The following DCC variants were observed in gnomAD, a reference collection of about 807,000 sequenced individuals.
The protein encoded by DCC is DCC netrin 1 receptor.
In DCC, 58 loss-of-function variants were observed where a neutral mutation model predicts 172.5. That is an observed-to-expected ratio of 0.34 (90% CI 0.27 to 0.42). The LOEUF (loss-of-function observed/expected upper bound fraction) is 0.42. Among genes scored for constraint, DCC ranks in the 10% least tolerant of loss-of-function variants. The pLI is 1.00. For synonymous variants in DCC, 709 were observed against 644.5 expected, an observed-to-expected ratio of 1.10 and a Z score of -1.52; for missense variants, 1,740 against 1,791.0, an observed-to-expected ratio of 0.97 and a Z score of 0.51.
Position 53,226,947 on chromosome 18 carries a change from TA to T in DCC, c.1911+11351del, listed in dbSNP as rs1349012896. Among the ~76,000 whole-genome samples the T allele has an allele frequency of 1.7e-3, 165 of 99,644 alleles. 5 individuals carry two copies. Among genetic ancestry groups the T allele is most frequent in the East Asian group, 4.4e-3 (19 of 4,364 alleles). The allele number at this position is 99,644 out of a possible 152,430, so 65.4% of individuals were successfully genotyped here. On this transcript the variant is annotated intron_variant, in intron 12 of 28. Transcript: ENST00000442544. The stretch of plus-strand genomic sequence containing the variant: ...GTGTGTGTGTGTGTATATATATATA[TA>T]TTTTTTTTTTTTTTTTTTTGAGGCA...
intron 1 of DCC, among the ~76,000 whole-genome samples, chr18:52,354,180 G>A (rs941388851): frequency 1.3e-5 from 2 of 152,128 alleles, no homozygotes; most frequent in African/African-American, 4.8e-5. Flanking sequence ...AGTTTTACAG[G>A]AAGAAGGACT....
chr18:52,607,074 A>G (rs918978421), intron 1 of DCC, among the ~76,000 whole-genome samples: 4 of 152,104 alleles, frequency 2.6e-5, no homozygotes, highest in Admixed American at 2.0e-4. Flanking sequence ...CCAAAATCTC[A>G]GTAGCTTTAC....
intron 1 of DCC, among the ~76,000 whole-genome samples, chr18:52,694,670 C>A (rs1327867230): frequency 6.6e-6 from 1 of 152,104 alleles, no homozygotes; most frequent in East Asian, 1.9e-4. Flanking sequence ...CACCCTGCCA[C>A]CAGTTACAGC....
chr18:52,453,546 A>T (rs1480868239), intron 1 of DCC, among the ~76,000 whole-genome samples: 1 of 152,214 alleles, frequency 6.6e-6, no homozygotes, highest in African/African-American at 2.4e-5. Flanking sequence ...TTAATTAAGC[A>T]TGCATTTCTG....
At chr18:53,191,594 G>T (rs944677531) in intron 9 of DCC, among the ~76,000 whole-genome samples, 1 of 152,092 alleles carries the variant, frequency 6.6e-6, no homozygotes, top group Non-Finnish European at 1.5e-5. Flanking sequence ...TATTGCTTGT[G>T]TCTTATGTCC....
intron 2 of DCC, among the ~76,000 whole-genome samples, chr18:52,895,172 C>T (rs1037517814): frequency 6.6e-6 from 1 of 152,204 alleles, no homozygotes; most frequent in Admixed American, 6.5e-5. Context: ...GAAGGATTTG[C>T]CTATCCTGAA....
At chr18:52,737,497 T>C (rs2036748038) in intron 1 of DCC, among the ~76,000 whole-genome samples, 1 of 152,192 alleles carries the variant, frequency 6.6e-6, no homozygotes, top group African/African-American at 2.4e-5. Context: ...CATTTTCTCA[T>C]CCTGTGGGAG....
chr18:52,513,906 C>T (rs1291178346), intron 1 of DCC, among the ~76,000 whole-genome samples: 1 of 152,228 alleles, frequency 6.6e-6, no homozygotes, highest in East Asian at 1.9e-4. Context: ...CTAAAAGCCA[C>T]AATTCCATCA....
At chr18:52,943,434 A>ACATGG (rs1460823895) in intron 5 of DCC, among the ~76,000 whole-genome samples, 1 of 152,208 alleles carries the variant, frequency 6.6e-6, no homozygotes, top group Non-Finnish European at 1.5e-5. Context: ...GTAGAAGGTG[A>ACATGG]CATGGCAAGA....
chr18:53,100,082 G>C (rs1018638776), intron 7 of DCC, among the ~76,000 whole-genome samples: 1 of 151,602 alleles, frequency 6.6e-6, no homozygotes, highest in African/African-American at 2.4e-5. Flanking sequence ...AAGTAGCTGG[G>C]ATTATAGGCA....
intron 12 of DCC, among the ~76,000 whole-genome samples, chr18:53,220,962 C>G (rs2055923563): frequency 3.3e-5 from 5 of 151,958 alleles, no homozygotes; most frequent in Admixed American, 2.6e-4. Context: ...AAAGACTAGA[C>G]TGGATATAAA....
intron 12 of DCC, among the ~76,000 whole-genome samples, chr18:53,235,013 T>G (rs1044111042): frequency 6.6e-6 from 1 of 152,198 alleles, no homozygotes; most frequent in African/African-American, 2.4e-5. Flanking sequence ...GGGTGCCCTC[T>G]AGATAGCCAA....
intron 27 of DCC, among the ~76,000 whole-genome samples, chr18:53,518,236 C>T (rs2046361015): frequency 6.6e-6 from 1 of 152,032 alleles, no homozygotes; most frequent in South Asian, 2.1e-4. Context: ...TTCAAAGCCA[C>T]CCTTTTTAAC....
At chr18:52,504,501 A>G (rs774631245) in intron 1 of DCC, among the ~76,000 whole-genome samples, 22 of 152,042 alleles carry the variant, frequency 1.4e-4, no homozygotes, top group Non-Finnish European at 2.8e-4. Context: ...GCCTCCTTAG[A>G]CTGATGTTAA....
At chr18:53,135,225 G>A (rs2043722235) in intron 7 of DCC, among the ~76,000 whole-genome samples, 2 of 152,112 alleles carry the variant, frequency 1.3e-5, no homozygotes, top group Non-Finnish European at 2.9e-5. Context: ...AGGGGAGAAT[G>A]ATGGGAGAGG....
intron 2 of DCC, among the ~76,000 whole-genome samples, chr18:52,893,333 A>G (rs1199197237): frequency 1.4e-5 from 2 of 141,850 alleles, no homozygotes; most frequent in African/African-American, 4.9e-5. Flanking sequence ...ATATGAAGGC[A>G]AAAGCTTATA....
At chr18:52,690,851 T>C (rs2035919989) in intron 1 of DCC, among the ~76,000 whole-genome samples, 1 of 152,108 alleles carries the variant, frequency 6.6e-6, no homozygotes, top group South Asian at 2.1e-4. Context: ...GAGTGATGCA[T>C]TTGTCACAAA....
At chr18:52,412,924 C>G (rs1222935) in intron 1 of DCC, among the ~76,000 whole-genome samples, 3,150 of 152,000 alleles carry the variant, frequency 0.021, 106 homozygotes, top group African/African-American at 0.071. Flanking sequence ...TTTAGAAGAC[C>G]GGATTCATCC....
intron 2 of DCC, chr18:52,816,643 T>A (rs1042551904): frequency 6.6e-6 from 1 of 152,168 alleles, no homozygotes; most frequent in East Asian, 1.9e-4. Context: ...GAGGGAAATG[T>A]GAGGCTGAGA....
Sources: allele counts gnomAD v4.1 joint callset (sites outside exome capture counted in the v4.1 genomes callset), GRCh38; gene constraint gnomAD v4.1.1; transcripts MANE v1.5; gene names NCBI Gene and HGNC (gene_info 2026-07-23, HGNC 2026-07-21).